Variants in FUT8 observed in about 807,000 individuals in gnomAD.
FUT8 encodes alpha-(1,6)-fucosyltransferase.
Under a neutral mutation model 71.3 loss-of-function variants are expected in FUT8, and 29 were observed. The ratio of observed to expected loss-of-function variants is 0.41; its 90% CI spans 0.30 to 0.55. The LOEUF is 0.55. Ranked by LOEUF, FUT8 falls within the 20% of genes least tolerant of loss-of-function variation. The pLI is 0.34. For synonymous variants in FUT8, 254 were observed against 239.3 expected, an observed-to-expected ratio of 1.06 and a Z score of -0.57; for missense variants, 544 against 702.1, an observed-to-expected ratio of 0.77 and a Z score of 2.55.
At chr14:65,513,781 G>A (rs1208496987) in intron 2 of FUT8, among the ~76,000 whole-genome samples, 1 of 152,194 alleles carries the variant, frequency 6.6e-6, no homozygotes, top group African/African-American at 2.4e-5. Context: ...AACCTCTGGT[G>A]GAACTGTAAG....
chr14:65,709,723 C>T (rs1361109330), intron 7 of FUT8, among the ~76,000 whole-genome samples: 2 of 152,092 alleles, frequency 1.3e-5, no homozygotes, highest in African/African-American at 4.8e-5. Context: ...ACCTCATTTC[C>T]CTTGCACTTG....
chr14:65,492,396 A>C (rs557448002), intron 2 of FUT8, among the ~76,000 whole-genome samples: 4 of 152,194 alleles, frequency 2.6e-5, no homozygotes, highest in African/African-American at 7.2e-5. Flanking sequence ...TGGCCAATCA[A>C]ATGTAGTCAA....
intron 2 of FUT8, among the ~76,000 whole-genome samples, chr14:65,545,455 T>C (rs1884934406): frequency 6.6e-6 from 1 of 151,884 alleles, no homozygotes; most frequent in Non-Finnish European, 1.5e-5. Context: ...ATTTTTGTTT[T>C]CTAGTAGATT....
intron 2 of FUT8, among the ~76,000 whole-genome samples, chr14:65,515,461 T>C (rs888710565): frequency 6.9e-6 from 1 of 144,596 alleles, no homozygotes; most frequent in African/African-American, 2.5e-5. Context: ...TTTTCTTTGC[T>C]TTTTTTTTTT....
the FUT8 span, among the ~76,000 whole-genome samples, chr14:65,388,848 AAC>A: frequency 3.9e-5 from 6 of 152,308 alleles, no homozygotes; most frequent in African/African-American, 1.4e-4. Context: ...TTGTGCAGCA[AAC>A]ACAGTGCAGC....
chr14:65,698,023 G>T (rs1413836966), intron 7 of FUT8, among the ~76,000 whole-genome samples: 3 of 151,824 alleles, frequency 2.0e-5, no homozygotes, highest in African/African-American at 7.3e-5. Context: ...AAATAAGTTG[G>T]TTTTAAATGT....
the FUT8 span, among the ~76,000 whole-genome samples, chr14:65,394,701 A>G: frequency 6.6e-6 from 1 of 151,568 alleles, no homozygotes; most frequent in African/African-American, 2.4e-5. Context: ...GCCAAAACAA[A>G]GGGGCTAAAG....
chr14:65,731,661 C>T (rs1157856826), intron 9 of FUT8, among the ~76,000 whole-genome samples: 1 of 152,070 alleles, frequency 6.6e-6, no homozygotes, highest in Non-Finnish European at 1.5e-5. Flanking sequence ...AACTTAGGTA[C>T]CTTTTTTTAA....
At chr14:65,681,763 G>A (rs962848140) in intron 7 of FUT8, among the ~76,000 whole-genome samples, 1 of 152,082 alleles carries the variant, frequency 6.6e-6, no homozygotes, top group Non-Finnish European at 1.5e-5. Context: ...ACCATACTAC[G>A]TTACTGTGCT....
intron 3 of FUT8, among the ~76,000 whole-genome samples, chr14:65,601,421 A>G (rs913604590): frequency 3.3e-5 from 5 of 152,202 alleles, no homozygotes; most frequent in African/African-American, 9.6e-5. Context: ...CTGCATATCT[A>G]TAATTTACTG....
rs377279708 is a variant in FUT8, at chr14:65,698,357, A to G, written c.836-23418A>G. Among the ~76,000 whole-genome samples, 19 of 152,354 alleles carry G rather than the reference A, an allele frequency of 1.2e-4. 3 individuals carry two copies. The highest frequency in any genetic ancestry group is 4.3e-4 in the African/African-American group (18 of 41,588). ...AGTGTACAGTAAAATAATAAAATTA[A>G]CAAAAACAAGAATAATATCTCTTTT... On this transcript the variant is annotated intron_variant, in intron 7 of 10. Transcript: ENST00000673929.
chr14:65,576,886 A>G (rs1886816238), intron 3 of FUT8, among the ~76,000 whole-genome samples: 1 of 151,530 alleles, frequency 6.6e-6, no homozygotes, highest in Non-Finnish European at 1.5e-5. Context: ...TGCCCAGCTA[A>G]TTTTTGTACT....
At chr14:65,655,516 C>G (rs1891637912) in intron 6 of FUT8, among the ~76,000 whole-genome samples, 1 of 150,668 alleles carries the variant, frequency 6.6e-6, no homozygotes. Context: ...GTATTAATCT[C>G]AGACAGAATA....
chr14:65,590,134 A>C (rs991287024), intron 3 of FUT8, among the ~76,000 whole-genome samples: 18 of 152,192 alleles, frequency 1.2e-4, no homozygotes, highest in Non-Finnish European at 2.6e-4. Context: ...AGCTCTGATT[A>C]CTTGATTTTG....
intron 10 of FUT8, among the ~76,000 whole-genome samples, chr14:65,740,732 A>G (rs560250927): frequency 3.3e-5 from 5 of 152,068 alleles, no homozygotes; most frequent in African/African-American, 1.2e-4. Flanking sequence ...TACTGTGACC[A>G]CAGCATCAAG....
chr14:65,717,068 G>A (rs1242817733), intron 7 of FUT8, among the ~76,000 whole-genome samples: 3 of 143,728 alleles, frequency 2.1e-5, no homozygotes, highest in Non-Finnish European at 4.5e-5. Flanking sequence ...CCACTTCCCA[G>A]ATGGGGCGGC....
At chr14:65,450,782 G>A (rs188071300) in intron 1 of FUT8, among the ~76,000 whole-genome samples, 11 of 151,698 alleles carry the variant, frequency 7.3e-5, no homozygotes, top group Admixed American at 4.6e-4. Context: ...TTTCTATTAC[G>A]TAATGAAGCA....
chr14:65,713,717 T>C (rs2139321648), intron 7 of FUT8, among the ~76,000 whole-genome samples: 1 of 152,344 alleles, frequency 6.6e-6, no homozygotes, highest in East Asian at 1.9e-4. Context: ...TGCCCATTTT[T>C]GATTGGATTA....
In FUT8 at chr14:65,483,547, C is replaced by T. The variant is rs1011383276; in HGVS notation, c.-228+27829C>T. 3.3e-5 allele frequency among the ~76,000 whole-genome samples: 5 copies of T among 152,258 alleles called. No individual in the cohort carries two copies. The highest frequency in any genetic ancestry group is 1.2e-4 in the African/African-American group (5 of 41,552). ...ATTTGAGGGACAGTTGACATCTTAACGATATCAAGTCTTCTGACTCATGAA... is the reference window on the plus strand; with the variant it reads ...ATTTGAGGGACAGTTGACATCTTAATGATATCAAGTCTTCTGACTCATGAA... On this transcript the variant is annotated intron_variant, in intron 2 of 10. Transcript: ENST00000673929. The surrounding 1 kb of genome is among the most constrained non-coding windows in gnomAD (Gnocchi z 4.4).
Sources: gnomAD v4.1 joint callset for allele counts (sites outside exome capture counted in the v4.1 genomes callset) on GRCh38, gnomAD v4.1.1 for gene constraint, Gnocchi (gnomAD v3.1) non-coding constraint, MANE v1.5 for transcripts, NCBI Gene and HGNC (gene_info 2026-07-23, HGNC 2026-07-21) for gene names.